ZC3H8: variants seen among roughly 807,000 people sequenced by gnomAD.
ZC3H8 encodes the protein zinc finger CCCH domain-containing protein 8.
Under a neutral mutation model 42.5 loss-of-function variants are expected in ZC3H8, and 27 were observed. The ratio of observed to expected loss-of-function variants is 0.64; its 90% confidence interval spans 0.47 to 0.88. ZC3H8 has a LOEUF of 0.88. Among genes scored for constraint, ZC3H8 ranks in the 40% least tolerant of loss-of-function variants. ZC3H8 has a pLI of 0.00. For synonymous variants in ZC3H8, 101 were observed against 110.1 expected, an observed-to-expected ratio of 0.92 and a Z score of 0.52; for missense variants, 277 against 336.1, an observed-to-expected ratio of 0.82 and a Z score of 1.37.
intron 2 of ZC3H8, among the ~76,000 whole-genome samples, chr2:112,244,794 T>A (rs1685702167): frequency 6.6e-6 from 1 of 152,190 alleles, no homozygotes; most frequent in Non-Finnish European, 1.5e-5. Context: ...AATCGATAAA[T>A]GTTGCATGTG....
At chr2:112,252,655 C>A (rs1463261225) in intron 1 of ZC3H8, among the ~76,000 whole-genome samples, 1 of 152,138 alleles carries the variant, frequency 6.6e-6, no homozygotes, top group African/African-American at 2.4e-5. Context: ...CCCTCTTACT[C>A]CACCCCAGCT....
At chr2:112,253,637 C>T (rs993980449) in intron 1 of ZC3H8, among the ~76,000 whole-genome samples, 1 of 152,242 alleles carries the variant, frequency 6.6e-6, no homozygotes, top group Non-Finnish European at 1.5e-5. Context: ...TACCATCCTT[C>T]ACCCATCATT....
rs1313262793 is a variant in ZC3H8, at chr2:112,214,043, T to A, written c.*2441A>T. On this transcript the variant is annotated 3_prime_UTR_variant, in exon 9 of 9. Coordinates refer to ENST00000409573, the MANE Select transcript of ZC3H8 (RefSeq NM_032494.3). Reference sequence around the variant, plus strand: ...TCACTGCAGGCTCCGCCCCCTGGGGTTCACACCATTCTCTTGCCTCAGCCT... The same window carrying A: ...TCACTGCAGGCTCCGCCCCCTGGGGATCACACCATTCTCTTGCCTCAGCCT... The A allele has an allele frequency of 6.9e-6, 1 of 144,564 alleles. No individual in the cohort carries two copies. The highest frequency in any genetic ancestry group is 1.5e-5 in the Non-Finnish European group (1 of 66,418). The allele number at this position is 144,564 out of a possible 1,614,324, so 9.0% of individuals were successfully genotyped here.
intron 8 of ZC3H8, among the ~76,000 whole-genome samples, chr2:112,227,216 CATTAGAAAG>C (rs1684878320): frequency 6.6e-6 from 1 of 152,172 alleles, no homozygotes; most frequent in African/African-American, 2.4e-5. Context: ...AAATAAAAAG[CATTAGAAAG>C]GTTAGAAAGG....
At position 112,213,222 on chromosome 2, in the gene ZC3H8, G is replaced by A. The variant is rs1376815608; in HGVS notation, c.*3262C>T. On this transcript the variant is annotated 3_prime_UTR_variant, in exon 9 of 9. Transcript: ENST00000409573. ...TGAACTCAAGTGATCCTCCTGCCTT[G>A]GCCTCCCAAAGTGCCGAGATTCAAG... is the stretch of plus-strand genomic sequence containing the variant. The A allele has an allele frequency of 6.6e-6, 1 of 152,026 alleles. No homozygotes were observed. Among genetic ancestry groups the A allele is most frequent in the Non-Finnish European group, 1.5e-5 (1 of 68,046 alleles). 9.4% of individuals were successfully genotyped at this position (152,026 alleles called of 1,614,324 possible). A position where few individuals can be genotyped will look rare whatever the true frequency, so the allele number is the denominator to read the frequency against.
At chr2:112,250,308 T>C (rs1264508617) in intron 1 of ZC3H8, 36 bp from the exon 2 acceptor site, 21 of 1,498,956 alleles carry the variant, frequency 1.4e-5, no homozygotes, top group Non-Finnish European at 1.9e-5. Context: ...AAAAGAGTTT[T>C]TTCAACCTGA....
chr2:112,233,211 T>C, intron 6 of ZC3H8, 49 bp downstream of exon 6: 2 of 1,308,598 alleles, frequency 1.5e-6, no homozygotes, highest in Non-Finnish European at 2.1e-6. Flanking sequence ...ACATTTAAAA[T>C]GTTCATGTAA....
intron 4 of ZC3H8, among the ~76,000 whole-genome samples, chr2:112,235,455 G>A (rs1184058707): frequency 3.3e-5 from 5 of 152,204 alleles, no homozygotes; most frequent in African/African-American, 9.6e-5. Flanking sequence ...GCTTGGCCCT[G>A]TGTGACTATG....
In ZC3H8 at chr2:112,212,771, G is replaced by T. The variant is rs546292822; in HGVS notation, c.*3713C>A. 6.6e-6 allele frequency: 1 copy of T among 152,078 alleles called. No homozygotes were observed. The highest frequency in any genetic ancestry group is 6.5e-5 in the Admixed American group (1 of 15,268). 9.4% of individuals were successfully genotyped at this position (152,078 alleles called of 1,614,324 possible). ...ATCCCTATTATAAGACTGTAATAAA[G>T]ATTAAAAATAGATTTAAAATGCATA... is the stretch of plus-strand genomic sequence containing the variant. On this transcript the variant is annotated 3_prime_UTR_variant, in exon 9 of 9. Transcript: ENST00000409573.
intron 8 of ZC3H8, among the ~76,000 whole-genome samples, chr2:112,217,990 T>C (rs1469729900): frequency 6.6e-6 from 1 of 152,178 alleles, no homozygotes; most frequent in Non-Finnish European, 1.5e-5. Flanking sequence ...TGGACCTGAA[T>C]TCAAACTCCT....
intron 4 of ZC3H8, among the ~76,000 whole-genome samples, chr2:112,234,439 T>C (rs566458751): frequency 1.3e-5 from 2 of 152,354 alleles, no homozygotes; most frequent in East Asian, 3.8e-4. Flanking sequence ...TCATTGAATA[T>C]TAATGTTTGT....
intron 1 of ZC3H8, 103 bp downstream of exon 1, chr2:112,254,805 C>A: frequency 7.3e-7 from 1 of 1,378,936 alleles, no homozygotes. Flanking sequence ...GCCCTCGCGA[C>A]GCGGCCCGGA....
chr2:112,227,845 G>GCT (rs1244892428), intron 8 of ZC3H8, among the ~76,000 whole-genome samples: 2 of 152,190 alleles, frequency 1.3e-5, no homozygotes, highest in African/African-American at 4.8e-5. Flanking sequence ...GACATTCCAT[G>GCT]CTCACAGATC....
At chr2:112,248,508 G>T (rs1230285796) in intron 2 of ZC3H8, among the ~76,000 whole-genome samples, 3 of 149,546 alleles carry the variant, frequency 2.0e-5, no homozygotes, top group Non-Finnish European at 4.5e-5. Flanking sequence ...TTTTTTTTTT[G>T]AGATGGAATT....
chr2:112,224,413 T>C (rs1684727504), intron 8 of ZC3H8, among the ~76,000 whole-genome samples: 1 of 152,224 alleles, frequency 6.6e-6, no homozygotes, highest in Non-Finnish European at 1.5e-5. Flanking sequence ...TTTCATTAAC[T>C]TGACAGAGTT....
At position 112,218,701 on chromosome 2, in the gene ZC3H8, A is replaced by G. The variant is rs1474356777; in HGVS notation, c.*16-2233T>C. ...ACATAGAGAGAGAGAGAGTCTACTT[A>G]TGTGTTAATCGACTGTTTATGTTCT... On this transcript the variant is annotated intron_variant, in intron 8 of 8. Transcript: ENST00000409573. Among the ~76,000 whole-genome samples the G allele has an allele frequency of 3.3e-5, 5 of 152,156 alleles. No homozygotes were observed. The South Asian group carries it at 8.3e-4, about 25-fold the overall frequency.
chr2:112,242,311 C>T (rs1685612941), intron 2 of ZC3H8, among the ~76,000 whole-genome samples: 1 of 152,144 alleles, frequency 6.6e-6, no homozygotes, highest in East Asian at 1.9e-4. Context: ...CACTTGAAAA[C>T]TATATAAAAT....
chr2:112,222,697 TATATGAG>T (rs1684643463), intron 8 of ZC3H8, among the ~76,000 whole-genome samples: 1 of 152,238 alleles, frequency 6.6e-6, no homozygotes, highest in Non-Finnish European at 1.5e-5. Flanking sequence ...TGATTTCACT[TATATGAG>T]ATATCTAAAG....
intron 2 of ZC3H8, among the ~76,000 whole-genome samples, chr2:112,247,804 T>C (rs1037831958): frequency 6.6e-6 from 1 of 152,254 alleles, no homozygotes; most frequent in Non-Finnish European, 1.5e-5. Flanking sequence ...ATACGAAGTC[T>C]GGAGGAGCTA....
Sources: allele counts gnomAD v4.1 joint callset (sites outside exome capture counted in the v4.1 genomes callset), GRCh38; gene constraint gnomAD v4.1.1; transcripts MANE v1.5; gene names NCBI Gene and HGNC (gene_info 2026-07-23, HGNC 2026-07-21).